Variants in LTBP1 observed in about 807,000 individuals in gnomAD.
The protein encoded by LTBP1 is latent transforming growth factor beta binding protein 1.
A neutral mutation model predicts 207.6 loss-of-function variants in LTBP1; 129 were observed. The ratio of observed to expected loss-of-function variants is 0.62; its 90% CI spans 0.54 to 0.72. The LOEUF (loss-of-function observed/expected upper bound fraction) is 0.72, where lower values mean the gene tolerates loss of function less well. LTBP1 is among the 30% of genes least tolerant of loss of function. The pLI is 0.00. For missense variants in LTBP1, 2,281 were observed against 2,217.2 expected (o/e 1.03, Z -0.58); for synonymous variants, 963 against 833.7 (o/e 1.16, Z -2.67).
In LTBP1 at chr2:33,180,047, T is replaced by C. The variant is rs539848465; in HGVS notation, c.1202-6809T>C. Among the ~76,000 whole-genome samples, 9 of 152,320 alleles carry C rather than the reference T, an allele frequency of 5.9e-5. No individual in the cohort carries two copies. In the South Asian group the frequency reaches 1.9e-3, roughly 32 times the overall value. Reference sequence around the variant, plus strand: ...CACCTCAAGGTCTTCACTCATGTTATTTGTTCTTCTGTAAACACTCTTCTG... The same window carrying C: ...CACCTCAAGGTCTTCACTCATGTTACTTGTTCTTCTGTAAACACTCTTCTG... On this transcript the variant is annotated intron_variant, in intron 5 of 33. Transcript: ENST00000404816.
chr2:33,137,364 C>G (rs1460683234), intron 5 of LTBP1, among the ~76,000 whole-genome samples: 1 of 152,154 alleles, frequency 6.6e-6, no homozygotes, highest in African/African-American at 2.4e-5. Flanking sequence ...TCCCTTTGAT[C>G]TCTAATATTT....
intron 22 of LTBP1, among the ~76,000 whole-genome samples, chr2:33,306,036 C>A (rs541446176): frequency 2.5e-4 from 38 of 152,202 alleles, no homozygotes; most frequent in Admixed American, 5.9e-4. Context: ...TTTCGCACTA[C>A]CCCAGGTGGT....
Position 33,363,381 on chromosome 2 carries a change from T to A in LTBP1, c.4271-9T>A, listed in dbSNP as rs762755279. ...TCCTTTTTGTATTTCTCAATTTTTT[T>A]CCCCGTAGATGCAGATGAATGCCTA... On this transcript the variant is annotated splice_polypyrimidine_tract_variant and intron_variant, in intron 28 of 33. Transcript: ENST00000404816. The A allele has an allele frequency of 1.6e-5, 25 of 1,612,900 alleles. No individual in the cohort carries two copies. Among genetic ancestry groups the A allele is most frequent in the Non-Finnish European group, 2.0e-5 (23 of 1,179,402 alleles).
chr2:33,087,212 C>T (rs183299009), intron 3 of LTBP1, among the ~76,000 whole-genome samples: 1 of 148,982 alleles, frequency 6.7e-6, no homozygotes, highest in African/African-American at 2.5e-5. Flanking sequence ...GTATCTGGGA[C>T]TACAGTTAGT....
At chr2:32,995,054 C>T (rs1486036495) in intron 2 of LTBP1, among the ~76,000 whole-genome samples, 5 of 152,154 alleles carry the variant, frequency 3.3e-5, no homozygotes, top group Non-Finnish European at 5.9e-5. Context: ...TGTGGTAGTA[C>T]GTGCCTGTAG....
chr2:33,383,984 G>A (rs1479800967), intron 31 of LTBP1, among the ~76,000 whole-genome samples: 3 of 152,196 alleles, frequency 2.0e-5, no homozygotes, highest in Non-Finnish European at 4.4e-5. Flanking sequence ...AAAAACAGCT[G>A]AATTTAATTT....
At chr2:33,035,727 A>AT (rs1386640005) in intron 3 of LTBP1, among the ~76,000 whole-genome samples, 1 of 152,224 alleles carries the variant, frequency 6.6e-6, no homozygotes, top group East Asian at 1.9e-4. Context: ...ATGGGGTATA[A>AT]TTCTACGTTC....
chr2:32,962,908 G>A (rs1679354654), intron 2 of LTBP1, among the ~76,000 whole-genome samples: 1 of 152,250 alleles, frequency 6.6e-6, no homozygotes, highest in African/African-American at 2.4e-5. Context: ...GGCCTCTTGG[G>A]GATCCTGATA....
intron 24 of LTBP1, among the ~76,000 whole-genome samples, chr2:33,319,472 ATG>A (rs1426981256): frequency 6.6e-6 from 1 of 152,144 alleles, no homozygotes; most frequent in Admixed American, 6.5e-5. Context: ...CATCAGTAGA[ATG>A]TGTGTGGGAG....
chr2:33,128,229 T>C (rs1261289773), intron 4 of LTBP1, among the ~76,000 whole-genome samples: 1 of 152,218 alleles, frequency 6.6e-6, no homozygotes, highest in Non-Finnish European at 1.5e-5. Flanking sequence ...TCCATTTACT[T>C]GCTCTTTGAA....
chr2:33,019,962 C>T (rs970458753), intron 2 of LTBP1, among the ~76,000 whole-genome samples: 3 of 148,754 alleles, frequency 2.0e-5, no homozygotes, highest in Admixed American at 2.0e-4. Flanking sequence ...GATCCTCCCA[C>T]CATGACCTCC....
chr2:32,994,720 C>T (rs1684986679), intron 2 of LTBP1, among the ~76,000 whole-genome samples: 1 of 152,086 alleles, frequency 6.6e-6, no homozygotes, highest in African/African-American at 2.4e-5. Flanking sequence ...ACCCACCTCG[C>T]CCTCCCAAAG....
intron 7 of LTBP1, among the ~76,000 whole-genome samples, chr2:33,198,420 G>C (rs1205600367): frequency 3.9e-5 from 6 of 152,172 alleles, no homozygotes; most frequent in African/African-American, 1.4e-4. Flanking sequence ...CATAAAATGA[G>C]TTAGGGAGGA....
intron 3 of LTBP1, among the ~76,000 whole-genome samples, chr2:33,021,791 T>G: frequency 6.7e-6 from 1 of 149,616 alleles, no homozygotes; most frequent in African/African-American, 2.4e-5. Flanking sequence ...GGGAACAAGG[T>G]TTTTTTTTTC....
At chr2:33,277,808 T>C (rs1417936315) in intron 18 of LTBP1, among the ~76,000 whole-genome samples, 1 of 110,206 alleles carries the variant, frequency 9.1e-6, no homozygotes, top group Non-Finnish European at 1.9e-5. Context: ...TCTCTCTCTT[T>C]CTTTTTTTCT....
chr2:32,995,965 G>A (rs1424912451), intron 2 of LTBP1, among the ~76,000 whole-genome samples: 4 of 151,998 alleles, frequency 2.6e-5, no homozygotes, highest in African/African-American at 9.7e-5. Flanking sequence ...CTGAGTCTTC[G>A]TAATCTTACA....
At chr2:33,220,953 G>C (rs2091063516) in intron 8 of LTBP1, among the ~76,000 whole-genome samples, 1 of 152,186 alleles carries the variant, frequency 6.6e-6, no homozygotes, top group Admixed American at 6.5e-5. Flanking sequence ...TTCCTTTAGT[G>C]GTGACAGATA....
chr2:33,347,820 C>A (rs1239158025), intron 26 of LTBP1, among the ~76,000 whole-genome samples: 1 of 152,176 alleles, frequency 6.6e-6, no homozygotes, highest in Non-Finnish European at 1.5e-5. Context: ...GCTATCAGCT[C>A]AGGATTTAAT....
chr2:33,281,061 C>T (rs1208514820), intron 19 of LTBP1, among the ~76,000 whole-genome samples: 1 of 152,022 alleles, frequency 6.6e-6, no homozygotes, highest in East Asian at 1.9e-4. Context: ...ACAGTGAGAC[C>T]CTGTCTCTAA....
Sources: gnomAD v4.1 joint callset for allele counts (sites outside exome capture counted in the v4.1 genomes callset) on GRCh38, gnomAD v4.1.1 for gene constraint, MANE v1.5 for transcripts, NCBI Gene and HGNC (gene_info 2026-07-23, HGNC 2026-07-21) for gene names.